ANXA1: variants seen among roughly 807,000 people sequenced by gnomAD.
ANXA1 encodes the protein annexin I (lipocortin I).
A neutral mutation model predicts 47.9 loss-of-function variants in ANXA1; 39 were observed. The observed-to-expected ratio is 0.81, with a 90% CI of 0.63 to 1.06. ANXA1 has a LOEUF of 1.06. ANXA1 is among the 50% of genes least tolerant of loss of function. The pLI, the probability that ANXA1 is intolerant of heterozygous loss-of-function variation, is 0.00. For synonymous variants in ANXA1, 146 were observed against 142.5 expected, an observed-to-expected ratio of 1.02 and a Z score of -0.17; for missense variants, 446 against 422.7, an observed-to-expected ratio of 1.06 and a Z score of -0.48.
chr9:73,169,159 G>A lies in ANXA1; in HGVS notation c.984+5G>A, dbSNP rs1275423343. The A allele has an allele frequency of 1.2e-6, 2 of 1,604,546 alleles. No individual in the cohort carries two copies. The highest frequency in any genetic ancestry group is 8.5e-7 in the Non-Finnish European group (1 of 1,176,216). ...TCCCTTTGCCAAGCCATCCTGGTATGTTTTGATTCCTCTAATGCCATCCCA... is the reference window on the plus strand; with the variant it reads ...TCCCTTTGCCAAGCCATCCTGGTATATTTTGATTCCTCTAATGCCATCCCA... On this transcript the variant is annotated splice_donor_5th_base_variant and intron_variant, in intron 12 of 12. Coordinates refer to ENST00000257497, the MANE Select transcript of ANXA1 (RefSeq NM_000700.3).
intron 10 of ANXA1, 91 bp downstream of exon 10, chr9:73,166,283 C>A: frequency 5.5e-6 from 5 of 904,882 alleles, no homozygotes; most frequent in Non-Finnish European, 8.3e-6. Flanking sequence ...GCAACAAAAC[C>A]AATAAAAGAA....
chr9:73,152,620 A>T (rs1823989542), intron 1 of ANXA1, among the ~76,000 whole-genome samples: 1 of 152,148 alleles, frequency 6.6e-6, no homozygotes, highest in African/African-American at 2.4e-5. Flanking sequence ...GAAAACCTAA[A>T]AAGAAGGGAA....
chr9:73,169,145 A>G lies in ANXA1; in HGVS notation c.975A>G (p.Gln325=). The change falls in exon 12 of 13, where the codon CAA becomes CAG. Residue 325 remains glutamine (Q), a synonymous_variant. Coordinates refer to ENST00000257497, the MANE Select transcript of ANXA1 (RefSeq NM_000700.3). ...AGATGTATGGTATCTCCCTTTGCCA[A>G]GCCATCCTGGTATGTTTTGATTCCT... is the stretch of plus-strand genomic sequence containing the variant. ...YQKMYGISLC[Q]AILDETKGDY... 1 of 1,609,804 alleles carries G rather than the reference A, an allele frequency of 6.2e-7. No individual in the cohort carries two copies.
chr9:73,166,148 A>C lies in ANXA1; in HGVS notation c.758A>C (p.Asp253Ala). 1 of 1,612,684 alleles carries C rather than the reference A, an allele frequency of 6.2e-7. No individual in the cohort carries two copies. The highest frequency in any genetic ancestry group is 8.5e-7 in the Non-Finnish European group (1 of 1,179,168). Residue 253 changes from aspartate (D) to alanine (A), a missense_variant, in exon 10 of 13, where the codon GAC becomes GCC. Physicochemically the swap from Asp to Ala is moderately radical, Grantham distance 126. Transcript: ENST00000257497. ...YSKHDMNKVL[D>A]LELKGDIEKC... ...AAGCATGACATGAACAAAGTTCTGGACCTGGAGTTGAAAGGTGACATTGAG... is the reference window on the plus strand; with the variant it reads ...AAGCATGACATGAACAAAGTTCTGGCCCTGGAGTTGAAAGGTGACATTGAG...
chr9:73,162,951 G>A, intron 7 of ANXA1, 90 bp downstream of exon 7: 1 of 1,048,166 alleles, frequency 9.5e-7, no homozygotes, highest in East Asian at 2.5e-5. Context: ...AATATCTGAG[G>A]CTAGGTAATT....
intron 12 of ANXA1, 28 bp downstream of exon 12, chr9:73,169,182 C>A: frequency 6.4e-7 from 1 of 1,562,394 alleles, no homozygotes; most frequent in Non-Finnish European, 8.6e-7. Flanking sequence ...TAATGCCATC[C>A]CAACAAATGA....
intron 1 of ANXA1, among the ~76,000 whole-genome samples, chr9:73,155,011 G>A (rs546379749): frequency 1.3e-5 from 2 of 152,226 alleles, no homozygotes; most frequent in Admixed American, 6.5e-5. Flanking sequence ...CCTTTCATGA[G>A]GCTGAGAGAT....
chr9:73,170,203 C>A lies in ANXA1; in HGVS notation c.*96C>A. On this transcript the variant is annotated 3_prime_UTR_variant, in exon 13 of 13. Transcript: ENST00000257497. ...TAGGAAAGTTTCTTCAACAGGATTA[C>A]AGTGTAGCTACCTACATGCTGAAAA... The A allele has an allele frequency of 1.0e-6, 1 of 962,502 alleles. No homozygotes were observed. The highest frequency in any genetic ancestry group is 1.5e-6 in the Non-Finnish European group (1 of 649,030). The allele number at this position is 962,502 out of a possible 1,614,324, so 59.6% of individuals were successfully genotyped here. A position where few individuals can be genotyped will look rare whatever the true frequency, so the allele number is the denominator to read the frequency against.
chr9:73,159,406 C>T lies in ANXA1; in HGVS notation c.253C>T (p.Leu85Phe), dbSNP rs1824101779. ...GCGTCAACAGATCAAAGCAGCATAT[C>T]TCCAGGAAACAGGAAAGGTAAGTTA... Reference protein sequence around the residue: ...AQRQQIKAAYLQETGKPLDET... With the variant: ...AQRQQIKAAYFQETGKPLDET... The change falls in exon 4 of 13, where the codon CTC becomes TTC. Residue 85 changes from leucine (L) to phenylalanine (F), a missense_variant. Physicochemically the swap from Leu to Phe is conservative, Grantham distance 22 (BLOSUM62 0). Coordinates refer to ENST00000257497, the MANE Select transcript of ANXA1 (RefSeq NM_000700.3). 14 of 1,612,778 alleles carry T rather than the reference C, an allele frequency of 8.7e-6. No homozygotes were observed. Among genetic ancestry groups the T allele is most frequent in the Non-Finnish European group, 1.1e-5 (13 of 1,179,138 alleles).
At chr9:73,166,319 A>G in intron 10 of ANXA1, 127 bp downstream of exon 10, 1 of 643,690 alleles carries the variant, frequency 1.6e-6, no homozygotes, top group Non-Finnish European at 2.6e-6. Flanking sequence ...GAAGTAGTGC[A>G]TCTGTTTCAA....
intron 7 of ANXA1, 28 bp from the exon 8 acceptor site, chr9:73,163,448 G>A: frequency 3.7e-6 from 6 of 1,608,328 alleles, no homozygotes; most frequent in Non-Finnish European, 5.1e-6. Context: ...CTAGAGAAGA[G>A]CTTACAATAG....
In ANXA1 at chr9:73,169,130, T is replaced by C. The variant is rs779921203; in HGVS notation, c.960T>C (p.Gly320=). Residue 320 remains glycine, a synonymous_variant, in exon 12 of 13, where the codon GGT becomes GGC. Coordinates refer to ENST00000257497, the MANE Select transcript of ANXA1 (RefSeq NM_000700.3). ...DIKAFYQKMY[G]ISLCQAILDE... is the part of the protein sequence containing the mutation. ...AAGCATTCTATCAGAAGATGTATGG[T>C]ATCTCCCTTTGCCAAGCCATCCTGG... The C allele has an allele frequency of 7.4e-6, 12 of 1,612,264 alleles. No homozygotes were observed. In the Admixed American group the frequency reaches 1.8e-4, roughly 25 times the overall value.
chr9:73,164,407 G>T (rs1420251271), intron 8 of ANXA1, among the ~76,000 whole-genome samples: 3 of 152,092 alleles, frequency 2.0e-5, no homozygotes, highest in Non-Finnish European at 4.4e-5. Flanking sequence ...ACAAGAGTTA[G>T]CATTTGAATA....
At chr9:73,163,825 G>A (rs1293738921) in intron 8 of ANXA1, among the ~76,000 whole-genome samples, 7 of 152,022 alleles carry the variant, frequency 4.6e-5, no homozygotes, top group East Asian at 3.8e-4. Context: ...CTGACCTTTC[G>A]TTGTACTAGG....
rs1428918459 is a variant in ANXA1 at position 73,170,271 on chromosome 9, AGAGAT to A, written c.*165_*169del. ...TTTTTATATTATAACTCTGTATAATAGAGATAAGTCCATTTTTTAAAAATGTTTTC... is the reference window on the plus strand; with the variant it reads ...TTTTTATATTATAACTCTGTATAATAAAGTCCATTTTTTAAAAATGTTTTC... On this transcript the variant is annotated 3_prime_UTR_variant, in exon 13 of 13. Coordinates refer to ENST00000257497, the MANE Select transcript of ANXA1 (RefSeq NM_000700.3). 3.5e-5 allele frequency: 16 copies of A among 461,008 alleles called. No individual in the cohort carries two copies. The highest frequency in any genetic ancestry group is 1.4e-4 in the South Asian group (2 of 13,842). The allele number at this position is 461,008 out of a possible 1,614,324, so 28.6% of individuals were successfully genotyped here.
At chr9:73,162,732 T>C (rs938678139) in intron 6 of ANXA1, 50 bp from the exon 7 acceptor site, 2 of 1,392,428 alleles carry the variant, frequency 1.4e-6, no homozygotes, top group Non-Finnish European at 2.0e-6. Context: ...GATATTCTTA[T>C]TATTATTCAT....
In ANXA1 at chr9:73,167,652, T is replaced by C; in HGVS notation, c.861+97T>C. 2.7e-6 allele frequency: 3 copies of C among 1,096,606 alleles called. No individual in the cohort carries two copies. In the South Asian group the frequency reaches 4.2e-5, roughly 15 times the overall value. 67.9% of individuals were successfully genotyped at this position (1,096,606 alleles called of 1,614,324 possible). A position where few individuals can be genotyped will look rare whatever the true frequency, so the allele number is the denominator to read the frequency against. On this transcript the variant is annotated intron_variant, in intron 11 of 12. Coordinates refer to ENST00000257497, the MANE Select transcript of ANXA1 (RefSeq NM_000700.3). ...TTGTTTGAAAATCTCACATTTAATA[T>C]CTTCCCATTAATGAGAATCATTGTT...
intron 3 of ANXA1, 70 bp from the exon 4 acceptor site, chr9:73,159,259 A>G: frequency 1.7e-6 from 2 of 1,205,432 alleles, no homozygotes; most frequent in East Asian, 2.3e-5. Flanking sequence ...GCATCTCAGT[A>G]ATGAATTATT....
At chr9:73,166,964 ATTTG>A (rs1163049616) in intron 10 of ANXA1, among the ~76,000 whole-genome samples, 1 of 151,822 alleles carries the variant, frequency 6.6e-6, no homozygotes, top group Non-Finnish European at 1.5e-5. Flanking sequence ...ATTTTTACTT[ATTTG>A]TTTGTGCAAC....
Sources: gnomAD v4.1 joint callset for allele counts (sites outside exome capture counted in the v4.1 genomes callset) on GRCh38, gnomAD v4.1.1 for gene constraint, MANE v1.5 for transcripts, NCBI Gene and HGNC (gene_info 2026-07-23, HGNC 2026-07-21) for gene names.